DCLK1: variants seen among roughly 807,000 people sequenced by gnomAD.
DCLK1 encodes the protein doublecortin like kinase 1, also known as serine/threonine-protein kinase DCLK1.
DCLK1 carries 16 observed loss-of-function variants against 86.2 expected under a neutral mutation model. The observed-to-expected ratio is 0.19, with a 90% CI of 0.13 to 0.28. The LOEUF is 0.28. Ranked by LOEUF, DCLK1 falls within the 10% of genes least tolerant of loss-of-function variation. The pLI, the probability that DCLK1 is intolerant of heterozygous loss-of-function variation, is 1.00. For synonymous variants in DCLK1, 369 were observed against 370.5 expected, an observed-to-expected ratio of 1.00 and a Z score of 0.05; for missense variants, 590 against 940.2, an observed-to-expected ratio of 0.63 and a Z score of 4.87.
intron 4 of DCLK1, among the ~76,000 whole-genome samples, chr13:35,900,708 G>A (rs1037810144): frequency 1.3e-5 from 2 of 152,060 alleles, no homozygotes; most frequent in Admixed American, 6.6e-5. Flanking sequence ...CGGCTTCCCT[G>A]GCCTCTATCC....
chr13:35,783,490 C>T (rs1025779976), intron 16 of DCLK1, among the ~76,000 whole-genome samples: 9 of 152,076 alleles, frequency 5.9e-5, no homozygotes, highest in Admixed American at 3.3e-4. Flanking sequence ...GGAAATGGGG[C>T]GGACTAGATC....
intron 3 of DCLK1, among the ~76,000 whole-genome samples, chr13:36,065,454 A>C (rs998415770): frequency 3.3e-5 from 5 of 152,218 alleles, no homozygotes; most frequent in Admixed American, 2.6e-4. Context: ...GTGGAGATCC[A>C]AGGCCTCTTA....
Position 36,126,063 on chromosome 13 carries a change from C to G in DCLK1, c.75G>C (p.Ser25=). ...TCGGGCTCGGCAGGCCGTTCACCCG[C>G]GACCCTCGGCTGTATCTCTGCGCCT... ...RDKAQRYSRG[S]RVNGLPSPTH... The change falls in exon 2 of 17, where the codon TCG becomes TCC. Residue 25 remains serine (S), a synonymous_variant. Transcript: ENST00000360631. 7 of 1,612,972 alleles carry G rather than the reference C, an allele frequency of 4.3e-6. No individual in the cohort carries two copies. The highest frequency in any genetic ancestry group is 5.9e-6 in the Non-Finnish European group (7 of 1,179,954).
intron 3 of DCLK1, among the ~76,000 whole-genome samples, chr13:36,088,306 G>A (rs1434534584): frequency 6.6e-6 from 1 of 152,216 alleles, no homozygotes; most frequent in Non-Finnish European, 1.5e-5. Context: ...TGAGGGCTGA[G>A]TCCAGTGAGG....
chr13:35,894,391 A>G (rs1276091013), intron 4 of DCLK1, among the ~76,000 whole-genome samples: 2 of 152,206 alleles, frequency 1.3e-5, no homozygotes, highest in African/African-American at 2.4e-5. Context: ...CCAGAGCCCA[A>G]GCGTGTATTC....
Position 35,809,041 on chromosome 13 carries a change from C to G in DCLK1, c.1743G>C (p.Leu581=). 6.2e-7 allele frequency: 1 copy of G among 1,612,274 alleles called. No homozygotes were observed. The highest frequency in any genetic ancestry group is 8.5e-7 in the Non-Finnish European group (1 of 1,178,852). ...ACCCACGGAATGGAGGGAAACCACA[C>G]AGCAGGATATAAGTGATTACACCTG... ...WAAGVITYIL[L]CGFPPFRGSG... The change falls in exon 13 of 17, where the codon CTG becomes CTC. Residue 581 remains leucine (L), a synonymous_variant. Transcript: ENST00000360631.
intron 4 of DCLK1, among the ~76,000 whole-genome samples, chr13:35,899,990 A>T (rs1315937114): frequency 1.3e-5 from 2 of 152,212 alleles, no homozygotes; most frequent in African/African-American, 4.8e-5. Context: ...TTTCTCTAAA[A>T]TCATACCTAC....
chr13:35,867,963 A>AAGAAAGAAGGAG (rs796441369), intron 5 of DCLK1, among the ~76,000 whole-genome samples: 3 of 135,156 alleles, frequency 2.2e-5, no homozygotes, highest in African/African-American at 8.2e-5. Context: ...GAAAGAAAGA[A>AAGAAAGAAGGAG]AGAGAAAAAG....
intron 3 of DCLK1, among the ~76,000 whole-genome samples, chr13:36,061,551 C>T (rs1883548716): frequency 6.6e-6 from 1 of 152,158 alleles, no homozygotes; most frequent in East Asian, 1.9e-4. Flanking sequence ...GTTACTTTCT[C>T]TCCTTCTACC....
chr13:36,112,607 G>A (rs76528341), intron 2 of DCLK1, among the ~76,000 whole-genome samples: 3,454 of 152,236 alleles, frequency 0.023, 39 homozygotes, highest in South Asian at 0.057. Context: ...TGCTACCTGA[G>A]ATAATTTAAA....
At chr13:35,838,811 CCT>C (rs1216695681) in intron 7 of DCLK1, among the ~76,000 whole-genome samples, 1 of 152,106 alleles carries the variant, frequency 6.6e-6, no homozygotes, top group Non-Finnish European at 1.5e-5. Flanking sequence ...CCAGCGATCC[CCT>C]CTTATTTCCA....
chr13:36,100,564 C>A (rs1885181428), intron 3 of DCLK1, among the ~76,000 whole-genome samples: 1 of 152,110 alleles, frequency 6.6e-6, no homozygotes, highest in South Asian at 2.1e-4. Flanking sequence ...TATACAGACC[C>A]CACTTATTTC....
chr13:35,986,070 G>A (rs2153142634), intron 3 of DCLK1, among the ~76,000 whole-genome samples: 1 of 152,104 alleles, frequency 6.6e-6, no homozygotes, highest in South Asian at 2.1e-4. Context: ...TTGGGAGGTC[G>A]AGGCAGGCAG....
rs531965070 is a variant in DCLK1, at chr13:36,069,879, C to G, written c.723+41990G>C. Among the ~76,000 whole-genome samples the G allele has an allele frequency of 1.9e-4, 29 of 152,266 alleles. No individual in the cohort carries two copies. In the East Asian group the frequency reaches 4.8e-3, roughly 25 times the overall value. ...TTGGTGCTATACCTTAAAATTAACACTAGAGCAACAGCATCCATCAGCGAT... is the reference window on the plus strand; with the variant it reads ...TTGGTGCTATACCTTAAAATTAACAGTAGAGCAACAGCATCCATCAGCGAT... On this transcript the variant is annotated intron_variant, in intron 3 of 16. Transcript: ENST00000360631.
At chr13:35,896,608 A>AT (rs1294134005) in intron 4 of DCLK1, among the ~76,000 whole-genome samples, 7 of 148,682 alleles carry the variant, frequency 4.7e-5, no homozygotes, top group Admixed American at 1.3e-4. Context: ...AAAAGTAAAG[A>AT]TTTTTTTTTC....
At chr13:35,918,892 G>GGTTTTTTTTTTTTTT (rs1875600883) in intron 4 of DCLK1, among the ~76,000 whole-genome samples, 14 of 76,312 alleles carry the variant, frequency 1.8e-4, no homozygotes, top group East Asian at 3.8e-4. Flanking sequence ...TTCTGAGTGT[G>GGTTTTTTTTTTTTTT]TTTTTTTTTT....
chr13:35,945,280 G>T (rs1877312607), intron 4 of DCLK1, among the ~76,000 whole-genome samples: 1 of 152,186 alleles, frequency 6.6e-6, no homozygotes, highest in Non-Finnish European at 1.5e-5. Context: ...GGAATTTCTG[G>T]CATTTTCCTG....
chr13:36,088,629 C>T (rs992761725), intron 3 of DCLK1, among the ~76,000 whole-genome samples: 1 of 152,144 alleles, frequency 6.6e-6, no homozygotes, highest in African/African-American at 2.4e-5. Flanking sequence ...CAGCCTCGTG[C>T]CCCAGAACAC....
intron 10 of DCLK1, among the ~76,000 whole-genome samples, chr13:35,823,526 G>A (rs1018896033): frequency 2.0e-5 from 3 of 152,046 alleles, no homozygotes; most frequent in Non-Finnish European, 4.4e-5. Context: ...AGGAAGGGGG[G>A]GAAATCTCAA....
Sources: gnomAD v4.1 joint callset for allele counts (sites outside exome capture counted in the v4.1 genomes callset) on GRCh38, gnomAD v4.1.1 for gene constraint, MANE v1.5 for transcripts, NCBI Gene and HGNC (gene_info 2026-07-23, HGNC 2026-07-21) for gene names.